Variants in ZFAND3 observed in about 807,000 individuals in gnomAD.
The protein encoded by ZFAND3 is AN1-type zinc finger protein 3.
In ZFAND3, 10 loss-of-function variants were observed where a neutral mutation model predicts 29.6. The ratio of observed to expected loss-of-function variants is 0.34; its 90% CI spans 0.21 to 0.57. ZFAND3 has a LOEUF of 0.57. Among genes scored for constraint, ZFAND3 ranks in the 20% least tolerant of loss-of-function variants. The probability of loss-of-function intolerance (pLI) is 0.86; values close to 1 mark genes in which losing one functional copy is unlikely to be tolerated. For missense variants in ZFAND3, 230 were observed against 304.5 expected (o/e 0.76, Z 1.82); for synonymous variants, 128 against 112.6 (o/e 1.14, Z -0.87).
intron 1 of ZFAND3, among the ~76,000 whole-genome samples, chr6:37,897,491 T>G (rs564681616): frequency 1.6e-4 from 24 of 152,346 alleles, no homozygotes; most frequent in African/African-American, 5.8e-4. Context: ...TATATGTCTC[T>G]TGGAAGAAAT....
Position 38,124,573 on chromosome 6 carries a change from C to G in ZFAND3, c.529+7834C>G, listed in dbSNP as rs1419302678. Among the ~76,000 whole-genome samples, 3 of 152,332 alleles carry G rather than the reference C, an allele frequency of 2.0e-5. No individual in the cohort carries two copies. In the East Asian group the frequency reaches 5.8e-4, roughly 29 times the overall value. On this transcript the variant is annotated intron_variant, in intron 5 of 5. Coordinates refer to ENST00000287218, the MANE Select transcript of ZFAND3 (RefSeq NM_021943.3). ...CTGGTGCACCCTCTGCAGCTACTGG[C>G]CTGGGTGCTAAGCCCCTCACTGCCC...
chr6:37,990,566 T>A (rs1453501511), intron 2 of ZFAND3, among the ~76,000 whole-genome samples: 1 of 152,116 alleles, frequency 6.6e-6, no homozygotes, highest in Non-Finnish European at 1.5e-5. Flanking sequence ...AACATAATTT[T>A]AAAACTTCTA....
chr6:38,142,313 G>A (rs747688488), intron 5 of ZFAND3: 21 of 471,388 alleles, frequency 4.5e-5, no homozygotes, highest in Non-Finnish European at 7.0e-5. Flanking sequence ...CCCTGACCAC[G>A]TTGCCACTCG....
intron 2 of ZFAND3, among the ~76,000 whole-genome samples, chr6:37,962,926 A>G (rs879966259): frequency 3.9e-5 from 6 of 152,170 alleles, no homozygotes; most frequent in African/African-American, 1.4e-4. Context: ...CCACGAACCC[A>G]CTGGGAGGAA....
In ZFAND3 at chr6:37,953,790, A is replaced by T. The variant is rs12662305; in HGVS notation, c.112+23791A>T. On this transcript the variant is annotated intron_variant, in intron 2 of 5. Transcript: ENST00000287218. The stretch of plus-strand genomic sequence containing the variant: ...CTTTTAAAGAGATTTAATTAAGAAG[A>T]TATCATATGTACTTGTCTATTTAAT... 0.017 allele frequency among the ~76,000 whole-genome samples: 2,587 copies of T among 152,228 alleles called. 257 individuals are homozygous for T. The East Asian group carries it at 0.28, about 16-fold the overall frequency.
intron 2 of ZFAND3, among the ~76,000 whole-genome samples, chr6:38,051,116 A>T (rs769295464): frequency 1.2e-4 from 19 of 152,186 alleles, no homozygotes; most frequent in Non-Finnish European, 2.2e-4. Flanking sequence ...GTAAGAGCAT[A>T]CATAGGTGGG....
intron 3 of ZFAND3, among the ~76,000 whole-genome samples, chr6:38,068,715 AAAAT>A (rs1462814828): frequency 6.6e-6 from 1 of 152,172 alleles, no homozygotes; most frequent in Non-Finnish European, 1.5e-5. Flanking sequence ...TTGTTGTAGT[AAAAT>A]AAAATATACA....
intron 4 of ZFAND3, among the ~76,000 whole-genome samples, chr6:38,087,683 G>A (rs1362995971): frequency 2.0e-5 from 3 of 152,264 alleles, no homozygotes; most frequent in East Asian, 3.9e-4. Context: ...CAGAAGACAG[G>A]CAATAACAAG....
At chr6:38,049,149 C>T (rs764156400) in intron 2 of ZFAND3, among the ~76,000 whole-genome samples, 1 of 152,196 alleles carries the variant, frequency 6.6e-6, no homozygotes, top group Non-Finnish European at 1.5e-5. Flanking sequence ...TGAAAACTTT[C>T]GTATTTGTAT....
At chr6:38,111,906 A>G (rs777866213) in intron 4 of ZFAND3, among the ~76,000 whole-genome samples, 6 of 152,168 alleles carry the variant, frequency 3.9e-5, no homozygotes, top group Non-Finnish European at 7.3e-5. Flanking sequence ...ATACTTTGCC[A>G]TTTTATATAA....
chr6:38,056,770 T>C (rs1339645292), intron 2 of ZFAND3, among the ~76,000 whole-genome samples: 4 of 152,222 alleles, frequency 2.6e-5, no homozygotes, highest in Non-Finnish European at 5.9e-5. Context: ...CTTTATCTTC[T>C]GGAGACATTC....
In ZFAND3 at chr6:37,974,396, CTCTCTCT is replaced by C. The variant is rs775362463; in HGVS notation, c.112+44399_112+44405del. Among the ~76,000 whole-genome samples, 339 of 86,244 alleles carry C rather than the reference CTCTCTCT, an allele frequency of 3.9e-3. 1 individual carries two copies. The highest frequency in any genetic ancestry group is 0.02 in the Middle Eastern group (3 of 150). The allele number at this position is 86,244 out of a possible 152,430, so 56.6% of individuals were successfully genotyped here. A position where few individuals can be genotyped will look rare whatever the true frequency, so the allele number is the denominator to read the frequency against. The stretch of plus-strand genomic sequence containing the variant: ...CATGCATTATATACTCTCTCTCTCT[CTCTCTCT>C]TTTTTTTTTTTTTTTTTTGGAGACA... On this transcript the variant is annotated intron_variant, in intron 2 of 5. Transcript: ENST00000287218.
chr6:37,862,047 G>A (rs1223931298), intron 1 of ZFAND3, among the ~76,000 whole-genome samples: 2 of 152,092 alleles, frequency 1.3e-5, no homozygotes, highest in African/African-American at 2.4e-5. Context: ...TTTTAAAAAT[G>A]TGCTCAAAGA....
In ZFAND3 at chr6:38,154,273, C is replaced by T. The variant is rs1365790110; in HGVS notation, c.*1884C>T. On this transcript the variant is annotated 3_prime_UTR_variant, in exon 6 of 6. Transcript: ENST00000287218. ...CTTCCCGGCCCTCCCCAGGGCCCCC[C>T]GCCCCCTCCTCTGCCTGCTGCGTGG... is the stretch of plus-strand genomic sequence containing the variant. The T allele has an allele frequency of 1.7e-5, 17 of 985,376 alleles. No homozygotes were observed. Among genetic ancestry groups the T allele is most frequent in the Admixed American group, 1.2e-4 (2 of 16,290 alleles). 61.0% of individuals were successfully genotyped at this position (985,376 alleles called of 1,614,324 possible). A position where few individuals can be genotyped will look rare whatever the true frequency, so the allele number is the denominator to read the frequency against.
chr6:37,822,967 C>A (rs1041944780), intron 1 of ZFAND3, among the ~76,000 whole-genome samples: 1 of 152,034 alleles, frequency 6.6e-6, no homozygotes, highest in African/African-American at 2.4e-5. Flanking sequence ...TGATCCAGGG[C>A]CCTCATAGCA....
chr6:37,899,041 G>A (rs537471763), intron 1 of ZFAND3, among the ~76,000 whole-genome samples: 6 of 152,080 alleles, frequency 3.9e-5, no homozygotes, highest in South Asian at 2.1e-4. Context: ...TACTACAGGC[G>A]CCCGCCACCA....
intron 5 of ZFAND3, among the ~76,000 whole-genome samples, chr6:38,131,524 AAG>A (rs1765741169): frequency 6.6e-6 from 1 of 152,254 alleles, no homozygotes; most frequent in African/African-American, 2.4e-5. Context: ...TTTAGAAACA[AAG>A]AGAATTACTG....
intron 5 of ZFAND3, among the ~76,000 whole-genome samples, chr6:38,133,273 C>G (rs549424911): frequency 4.1e-4 from 62 of 152,322 alleles, no homozygotes; most frequent in African/African-American, 1.4e-3. Flanking sequence ...TTCTGCAGTT[C>G]TCGGCTCTTA....
intron 1 of ZFAND3, among the ~76,000 whole-genome samples, chr6:37,844,076 CT>C (rs1348589549): frequency 1.3e-5 from 2 of 151,766 alleles, no homozygotes; most frequent in African/African-American, 2.4e-5. Flanking sequence ...CCACGCCTGG[CT>C]TTTTTTCTTT....
Sources: gnomAD v4.1 joint callset for allele counts (sites outside exome capture counted in the v4.1 genomes callset) on GRCh38, gnomAD v4.1.1 for gene constraint, MANE v1.5 for transcripts, NCBI Gene and HGNC (gene_info 2026-07-23, HGNC 2026-07-21) for gene names.